The following RPL3 variants were observed in gnomAD, a reference collection of about 807,000 sequenced individuals.
RPL3 encodes large ribosomal subunit protein uL3.
In RPL3, 3 loss-of-function variants were observed where a neutral mutation model predicts 46.0. That is an observed-to-expected ratio of 0.07 (90% CI 0.03 to 0.17). The LOEUF (loss-of-function observed/expected upper bound fraction) is 0.17, where lower values mean the gene tolerates loss of function less well. Among genes scored for constraint, RPL3 ranks in the 10% least tolerant of loss-of-function variants. RPL3 has a pLI of 1.00. For missense variants in RPL3, 387 were observed against 532.7 expected (o/e 0.73, Z 2.69); for synonymous variants, 224 against 190.8 (o/e 1.17, Z -1.43).
At chr22:39,316,517 T>G (rs191475731) in intron 4 of RPL3, among the ~76,000 whole-genome samples, 189 bp downstream of exon 4, 1 of 152,252 alleles carries the variant, frequency 6.6e-6, no homozygotes, top group East Asian at 1.9e-4. Flanking sequence ...GGCATTTCAG[T>G]GTTACTGGTG....
chr22:39,316,588 T>G, intron 4 of RPL3, 118 bp downstream of exon 4: 1 of 1,309,162 alleles, frequency 7.6e-7, no homozygotes, highest in Non-Finnish European at 1.1e-6. Context: ...AAGGACACAG[T>G]GCCCTCTGCT....
At chr22:39,313,538 CTTCCT>C (rs1057366607) in intron 8 of RPL3, 91 bp downstream of exon 8, 194 of 1,323,864 alleles carry the variant, frequency 1.5e-4, no homozygotes, top group Non-Finnish European at 2.0e-4. Context: ...ACACCCTCTC[CTTCCT>C]TTCCTCTCCC....
intron 5 of RPL3, 84 bp downstream of exon 5, chr22:39,315,283 ACT>A (rs781156450): frequency 1.5e-5 from 24 of 1,559,074 alleles, no homozygotes; most frequent in East Asian, 2.2e-5. Context: ...CCCAGCGCTC[ACT>A]CTGAGCCTCA....
chr22:39,313,491 A>C, intron 8 of RPL3, 143 bp downstream of exon 8: 1 of 1,250,172 alleles, frequency 8.0e-7, no homozygotes, highest in Non-Finnish European at 1.1e-6. Flanking sequence ...GAATTTCCTC[A>C]TCTCAGGACT....
chr22:39,318,747 C>T, intron 1 of RPL3, 155 bp from the exon 2 acceptor site: 1 of 642,942 alleles, frequency 1.6e-6, no homozygotes, highest in East Asian at 2.8e-5. Context: ...CTTCCAGGCT[C>T]GCACGTGTCA....
At chr22:39,315,580 G>A (rs1922636480) in intron 4 of RPL3, 25 bp from the exon 5 acceptor site, 1 of 1,611,918 alleles carries the variant, frequency 6.2e-7, no homozygotes, top group African/African-American at 1.3e-5. Flanking sequence ...ACACAGCTCA[G>A]CTCCAGCTGC....
intron 1 of RPL3, chr22:39,319,263 C>G (rs554106537): frequency 3.9e-5 from 20 of 509,348 alleles, no homozygotes. Flanking sequence ...CCCAGACAAG[C>G]AGGTTATGGG....
chr22:39,313,995 G>T (rs1922521818), intron 7 of RPL3, 112 bp downstream of exon 7: 4 of 914,360 alleles, frequency 4.4e-6, no homozygotes, highest in Middle Eastern at 2.1e-4. Flanking sequence ...GACACAGCTA[G>T]GTGTTGTGTT....
At chr22:39,315,183 T>C (rs774648388) in intron 5 of RPL3, 186 bp downstream of exon 5, 1 of 939,434 alleles carries the variant, frequency 1.1e-6, no homozygotes, top group South Asian at 1.3e-5. Context: ...CCCCTGGCCC[T>C]CCGCTATCCC....
chr22:39,314,478 ACAC>A lies in RPL3; in HGVS notation c.849+205_849+207del, dbSNP rs936130744. 27 of 667,604 alleles carry A rather than the reference ACAC, an allele frequency of 4.0e-5. No homozygotes were observed. The Admixed American group carries it at 6.9e-4, about 17-fold the overall frequency. 41.4% of individuals were successfully genotyped at this position (667,604 alleles called of 1,614,324 possible). ...ACCAATAAGACTAGTATCCCCAGCC[ACAC>A]CAGTCAGCCCCACCACAGCCACTCT... is the stretch of plus-strand genomic sequence containing the variant. On this transcript the variant is annotated intron_variant, in intron 6 of 9. Coordinates refer to ENST00000216146, the MANE Select transcript of RPL3 (RefSeq NM_000967.4).
chr22:39,315,552 G>A lies in RPL3; in HGVS notation c.505C>T (p.Arg169Cys), dbSNP rs531733121. 1.3e-5 allele frequency: 21 copies of A among 1,613,928 alleles called. 1 individual carries two copies. In the South Asian group the frequency reaches 2.0e-4, roughly 15 times the overall value. ...TTCTTCTGGCGCAGAGGAAGCAGGC[G>A]CATCTAGGAGAAGGTAGACACAGCT... ...VIRVIAHTQM[R>C]LLPLRQKKAH... The change falls in exon 5 of 10, where the codon CGC becomes TGC. Residue 169 changes from arginine to cysteine, a missense_variant. Coordinates refer to ENST00000216146, the MANE Select transcript of RPL3 (RefSeq NM_000967.4).
In RPL3 at chr22:39,317,498, T is replaced by C; in HGVS notation, c.328A>G (p.Ile110Val). 1 of 1,613,958 alleles carries C rather than the reference T, an allele frequency of 6.2e-7. No homozygotes were observed. The highest frequency in any genetic ancestry group is 1.1e-5 in the South Asian group (1 of 91,082). Residue 110 changes from isoleucine (I) to valine (V), a missense_variant, in exon 3 of 10, where the codon ATC (isoleucine) becomes GTC (valine). Ile to Val is a conservative substitution (Grantham distance 29, BLOSUM62 3). Coordinates refer to ENST00000216146, the MANE Select transcript of RPL3 (RefSeq NM_000967.4). ...AAACGCCTCTTGCATTCATCACTGA[T>C]GTGCTCAGCAAAGACAGTCTTGAAG... ...RTFKTVFAEH[I>V]SDECKRRFYK...
intron 2 of RPL3, 24 bp downstream of exon 2, chr22:39,318,376 A>C: frequency 6.2e-7 from 1 of 1,602,722 alleles, no homozygotes; most frequent in African/African-American, 1.4e-5. Flanking sequence ...CTATTCCCCC[A>C]ACTTTTAGGA....
intron 1 of RPL3, 123 bp downstream of exon 1, chr22:39,319,472 T>A: frequency 7.5e-7 from 1 of 1,331,438 alleles, no homozygotes; most frequent in Admixed American, 2.1e-5. Context: ...AAGTCCCCGC[T>A]GGGTCGCCCG....
chr22:39,314,667 G>A lies in RPL3; in HGVS notation c.849+19C>T, dbSNP rs780559714. 1 of 1,602,782 alleles carries A rather than the reference G, an allele frequency of 6.2e-7. No individual in the cohort carries two copies. Among genetic ancestry groups the A allele is most frequent in the Middle Eastern group, 1.9e-4 (1 of 5,194 alleles). ...GGGGGCCTCTTCCCACCCCCAGGGA[G>A]CCACTCTCAGAACCTCACCTTCTTG... On this transcript the variant is annotated intron_variant, in intron 6 of 9. Coordinates refer to ENST00000216146, the MANE Select transcript of RPL3 (RefSeq NM_000967.4).
At chr22:39,313,551 C>A in intron 8 of RPL3, 83 bp downstream of exon 8, 1 of 1,401,246 alleles carries the variant, frequency 7.1e-7, no homozygotes. Context: ...CCTTTCCTCT[C>A]CCACCACAGG....
At chr22:39,313,608 C>T (rs1922494105) in intron 8 of RPL3, 26 bp downstream of exon 8, 1 of 1,606,310 alleles carries the variant, frequency 6.2e-7, no homozygotes, top group Non-Finnish European at 8.5e-7. Context: ...AAGAGCCCCC[C>T]CATGACAAGT....
In RPL3 at chr22:39,318,557, G is replaced by A; in HGVS notation, c.39C>T (p.Ser13=). ...HRKFSAPRHG[S]LGFLPRKRSS... ...TGCGCTTCCGAGGCAGGAAGCCGAGGGACCCATGTCTGGGAGCGGAGAACT... is the reference window on the plus strand; with the variant it reads ...TGCGCTTCCGAGGCAGGAAGCCGAGAGACCCATGTCTGGGAGCGGAGAACT... Residue 13 remains serine (S), a synonymous_variant, in exon 2 of 10, where the codon TCC becomes TCT. Coordinates refer to ENST00000216146, the MANE Select transcript of RPL3 (RefSeq NM_000967.4). 6.2e-7 allele frequency: 1 copy of A among 1,612,858 alleles called. No individual in the cohort carries two copies. The highest frequency in any genetic ancestry group is 1.3e-5 in the African/African-American group (1 of 74,996).
At chr22:39,316,606 G>A in intron 4 of RPL3, 100 bp downstream of exon 4, 2 of 1,497,212 alleles carry the variant, frequency 1.3e-6, no homozygotes, top group Non-Finnish European at 1.8e-6. Context: ...GCTGGCAAGG[G>A]AGAAGCCTAC....
Sources: allele counts gnomAD v4.1 joint callset (sites outside exome capture counted in the v4.1 genomes callset), GRCh38; gene constraint gnomAD v4.1.1; transcripts MANE v1.5; gene names NCBI Gene and HGNC (gene_info 2026-07-23, HGNC 2026-07-21).